Variants in GRAMD2B observed in about 807,000 individuals in gnomAD.
GRAMD2B encodes GRAM domain-containing protein 2B.
In GRAMD2B, 41 loss-of-function variants were observed where a neutral mutation model predicts 59.2. The observed-to-expected ratio is 0.69, with a 90% CI of 0.54 to 0.90. GRAMD2B has a LOEUF of 0.90. Ranked by LOEUF, GRAMD2B falls within the 40% of genes least tolerant of loss-of-function variation. The pLI, the probability that GRAMD2B is intolerant of heterozygous loss-of-function variation, is 0.00. For synonymous variants in GRAMD2B, 161 were observed against 182.7 expected (o/e 0.88, Z 0.96); for missense variants, 424 against 500.5 (o/e 0.85, Z 1.46).
In GRAMD2B at chr5:126,450,057, CTT is replaced by C. The variant is rs781008973; in HGVS notation, c.84-15359_84-15358del. Among the ~76,000 whole-genome samples, 139 of 147,358 alleles carry C rather than the reference CTT, an allele frequency of 9.4e-4. 1 individual carries two copies. The highest frequency in any genetic ancestry group is 2.3e-4 in the Non-Finnish European group (15 of 66,454). ...TTAAGCTCTCTCTGGCTTTTGATCT[CTT>C]TTTTTTTTTCCTCCTACATGAAACA... On this transcript the variant is annotated intron_variant, in intron 1 of 13. Coordinates refer to ENST00000285689, the MANE Select transcript of GRAMD2B (RefSeq NM_023927.4).
chr5:126,379,283 A>T (rs1257161226), intron 1 of GRAMD2B, among the ~76,000 whole-genome samples: 1 of 151,842 alleles, frequency 6.6e-6, no homozygotes, highest in African/African-American at 2.4e-5. Flanking sequence ...TATATACTAC[A>T]TTTTCTGTAT....
Position 126,411,103 on chromosome 5 carries a change from C to T in GRAMD2B, c.125+39536C>T, listed in dbSNP as rs549527806. On this transcript the variant is annotated intron_variant, in intron 1 of 8. Coordinates refer to the GRAMD2B transcript ENST00000506445. ...ATAGTTTCTTTTGCTGTGCAGAGCT[C>T]TTTAATTAGGTCCCTCTTGTCAATT... Among the ~76,000 whole-genome samples the T allele has an allele frequency of 2.0e-5, 3 of 151,768 alleles. No homozygotes were observed. The East Asian group carries it at 5.8e-4, about 29-fold the overall frequency.
intron 10 of GRAMD2B, among the ~76,000 whole-genome samples, 157 bp from the exon 11 acceptor site, chr5:126,485,529 A>G (rs544645682): frequency 7.2e-4 from 110 of 152,210 alleles, no homozygotes; most frequent in Non-Finnish European, 1.2e-3. Context: ...AAGGAATTGT[A>G]ACCACTGGTT....
rs1418549128 is a variant in GRAMD2B, at chr5:126,423,703, G to C, written c.83+14G>C. The C allele has an allele frequency of 1.9e-6, 3 of 1,597,212 alleles. No individual in the cohort carries two copies. Among genetic ancestry groups the C allele is most frequent in the Admixed American group, 1.7e-5 (1 of 57,308 alleles). On this transcript the variant is annotated intron_variant, in intron 1 of 13. Transcript: ENST00000285689. The stretch of plus-strand genomic sequence containing the variant: ...TGGCTCAGCCCAGTGAGTATTCTCA[G>C]CTGGGACCCATCCAAGGAGGTGGGA...
rs77552404 is a variant in GRAMD2B, at chr5:126,489,615, C to T, written c.1257+723C>T. Among the ~76,000 whole-genome samples the T allele has an allele frequency of 7.4e-3, 1,128 of 152,300 alleles. 11 individuals are homozygous for T. Among genetic ancestry groups the T allele is most frequent in the African/African-American group, 0.026 (1,077 of 41,546 alleles). On this transcript the variant is annotated intron_variant, in intron 13 of 13. Transcript: ENST00000285689. ...TACCTCAAAGTATCTACAGTCCAAA[C>T]AACGCTAGGGCAAAACTGTCCTTAG...
intron 1 of GRAMD2B, among the ~76,000 whole-genome samples, chr5:126,440,004 T>G (rs1468357333): frequency 6.6e-6 from 1 of 152,176 alleles, no homozygotes; most frequent in Non-Finnish European, 1.5e-5. Flanking sequence ...TGTGGAACAG[T>G]GACTCCATTA....
upstream of GRAMD2B, among the ~76,000 whole-genome samples, chr5:126,420,831 C>A (rs1390687658): frequency 2.0e-5 from 3 of 152,100 alleles, no homozygotes; most frequent in African/African-American, 7.2e-5. Context: ...CTAGAAACAA[C>A]CCAAGGGTCC....
chr5:126,481,203 AAAAGAAAG>A (rs199869481), intron 8 of GRAMD2B, among the ~76,000 whole-genome samples: 3,745 of 79,990 alleles, frequency 0.047, 109 homozygotes, highest in Admixed American at 0.069. Flanking sequence ...AAAAAAAAAA[AAAAGAAAG>A]AAAGAAAGAA....
At chr5:126,420,324 T>G (rs1175556963), upstream of GRAMD2B, among the ~76,000 whole-genome samples, 9 of 152,306 alleles carry the variant, frequency 5.9e-5, no homozygotes, top group Middle Eastern at 6.8e-3. Context: ...GAATACTATA[T>G]TCCATATATT....
Position 126,485,731 on chromosome 5 carries a change from A to T in GRAMD2B, c.1016A>T (p.Lys339Ile). 2 of 1,612,628 alleles carry T rather than the reference A, an allele frequency of 1.2e-6. No homozygotes were observed. The highest frequency in any genetic ancestry group is 1.7e-6 in the Non-Finnish European group (2 of 1,179,292). ...VGILHKVKSQ[K>I]CPMLHHILIF... ...ATCTTACATAAAGTCAAGTCTCAGAAATGTCCGATGCTTCACCATATTCTT... is the reference window on the plus strand; with the variant it reads ...ATCTTACATAAAGTCAAGTCTCAGATATGTCCGATGCTTCACCATATTCTT... The change falls in exon 11 of 14, where the codon AAA becomes ATA. Residue 339 changes from lysine to isoleucine, a missense_variant. Transcript: ENST00000285689.
At chr5:126,485,822 C>A in intron 11 of GRAMD2B, 49 bp downstream of exon 11, 1 of 1,151,548 alleles carries the variant, frequency 8.7e-7, no homozygotes, top group Non-Finnish European at 1.3e-6. Context: ...ATTCCATTCG[C>A]TAAAGGAATA....
intron 2 of GRAMD2B, chr5:126,466,154 G>A: frequency 7.6e-7 from 1 of 1,315,466 alleles, no homozygotes; most frequent in Non-Finnish European, 1.0e-6. Flanking sequence ...ATGGGTGAGT[G>A]CAGTTTATCT....
At chr5:126,447,413 A>G (rs1764446561) in intron 1 of GRAMD2B, among the ~76,000 whole-genome samples, 1 of 152,218 alleles carries the variant, frequency 6.6e-6, no homozygotes, top group Admixed American at 6.5e-5. Flanking sequence ...CTGTAATCCC[A>G]GCACTTTGGG....
chr5:126,437,172 T>C (rs911257248), intron 1 of GRAMD2B, among the ~76,000 whole-genome samples: 7 of 152,178 alleles, frequency 4.6e-5, no homozygotes, highest in African/African-American at 1.4e-4. Flanking sequence ...CAGTTGAAGA[T>C]AGATTTGTTG....
chr5:126,372,023 T>C (rs1401593607), intron 1 of GRAMD2B, among the ~76,000 whole-genome samples: 2 of 152,176 alleles, frequency 1.3e-5, no homozygotes. Context: ...TAGTAGCAAC[T>C]GTTCTCTGGT....
rs1249650869 is a variant in GRAMD2B, at chr5:126,465,383, C to T, written c.84-43C>T. ...TTCATCGTTTTCCTTCCAGCTACCT[C>T]TCTCTGAATGTCTAAAGTGAAGCGG... On this transcript the variant is annotated intron_variant, in intron 1 of 13. Coordinates refer to ENST00000285689, the MANE Select transcript of GRAMD2B (RefSeq NM_023927.4). 3.7e-6 allele frequency: 6 copies of T among 1,611,306 alleles called. No homozygotes were observed. The South Asian group carries it at 6.6e-5, about 18-fold the overall frequency.
At chr5:126,489,458 A>G (rs559806784) in intron 13 of GRAMD2B, among the ~76,000 whole-genome samples, 3 of 152,330 alleles carry the variant, frequency 2.0e-5, no homozygotes, top group Admixed American at 1.3e-4. Flanking sequence ...AGAAAAATAC[A>G]TAAATAAAGT....
chr5:126,473,375 A>G lies in GRAMD2B; in HGVS notation c.486+7A>G, dbSNP rs371182119. On this transcript the variant is annotated splice_region_variant and intron_variant, in intron 5 of 13. Coordinates refer to ENST00000285689, the MANE Select transcript of GRAMD2B (RefSeq NM_023927.4). ...CTTTGGAAAAGACACAAAGGTTGGT[A>G]TAATTAAAAAAAAAAATGCTAACCC... The G allele has an allele frequency of 1.4e-4, 164 of 1,167,862 alleles. No individual in the cohort carries two copies. Among genetic ancestry groups the G allele is most frequent in the Non-Finnish European group, 1.9e-4 (154 of 822,068 alleles). 72.3% of individuals were successfully genotyped at this position (1,167,862 alleles called of 1,614,324 possible). A position where few individuals can be genotyped will look rare whatever the true frequency, so the allele number is the denominator to read the frequency against.
At chr5:126,485,326 A>G (rs548668479) in intron 10 of GRAMD2B, among the ~76,000 whole-genome samples, 1 of 152,338 alleles carries the variant, frequency 6.6e-6, no homozygotes, top group Middle Eastern at 3.4e-3. Context: ...CACCTGGGCA[A>G]CAGAGTGAGA....
Sources: gnomAD v4.1 joint callset for allele counts (sites outside exome capture counted in the v4.1 genomes callset) on GRCh38, gnomAD v4.1.1 for gene constraint, MANE v1.5 for transcripts, NCBI Gene and HGNC (gene_info 2026-07-23, HGNC 2026-07-21) for gene names.